The following ERC2 variants were observed in gnomAD, a reference collection of about 807,000 sequenced individuals.
ERC2 encodes the protein ELKS/RAB6-interacting/CAST family member 2, also known as ERC protein 2.
Under a neutral mutation model 114.8 loss-of-function variants are expected in ERC2, and 42 were observed. That is an observed-to-expected ratio of 0.37 (90% CI 0.29 to 0.47). The LOEUF is 0.47. Ranked by LOEUF, ERC2 falls within the 20% of genes least tolerant of loss-of-function variation. The pLI is 0.99. For synonymous variants in ERC2, 454 were observed against 425.5 expected, an observed-to-expected ratio of 1.07 and a Z score of -0.82; for missense variants, 939 against 1,150.7, an observed-to-expected ratio of 0.82 and a Z score of 2.66.
intron 8 of ERC2, 137 bp from the exon 9 acceptor site, chr3:56,010,726 G>A (rs1484737632): frequency 1.0e-6 from 1 of 963,092 alleles, no homozygotes; most frequent in Non-Finnish European, 1.5e-6. Context: ...AATCAAAATT[G>A]GATTCGTGGG....
At chr3:55,744,541 G>C (rs2066187307) in intron 14 of ERC2, among the ~76,000 whole-genome samples, 1 of 152,226 alleles carries the variant, frequency 6.6e-6, no homozygotes, top group Non-Finnish European at 1.5e-5. Context: ...TGTGACCTTT[G>C]TAACTTCACT....
chr3:55,722,847 T>A (rs561973374), intron 15 of ERC2, among the ~76,000 whole-genome samples: 2 of 152,184 alleles, frequency 1.3e-5, no homozygotes, highest in African/African-American at 2.4e-5. Flanking sequence ...CCTGAAAAAT[T>A]TAACACGAAC....
chr3:55,747,143 A>C, intron 14 of ERC2, among the ~76,000 whole-genome samples: 1 of 152,304 alleles, frequency 6.6e-6, no homozygotes, highest in African/African-American at 2.4e-5. Flanking sequence ...TCCATGATTC[A>C]GGGGGAGCTA....
chr3:55,716,516 G>A (rs12635014), intron 15 of ERC2, among the ~76,000 whole-genome samples: 2,669 of 152,294 alleles, frequency 0.018, 53 homozygotes, highest in East Asian at 0.09. Context: ...GAAACTACCT[G>A]CAAGTTATTT....
intron 3 of ERC2, among the ~76,000 whole-genome samples, chr3:56,179,288 A>T (rs1448764320): frequency 1.3e-5 from 2 of 152,032 alleles, no homozygotes; most frequent in African/African-American, 4.8e-5. Context: ...GTAAGTAGAA[A>T]GCCAAAGAAG....
chr3:56,249,987 A>C (rs1319022480), intron 3 of ERC2, among the ~76,000 whole-genome samples: 2 of 149,774 alleles, frequency 1.3e-5, no homozygotes. Context: ...CCTCCTGAGT[A>C]GCTGGGATTA....
At chr3:55,609,858 T>C (rs1341744636) in intron 17 of ERC2, among the ~76,000 whole-genome samples, 2 of 152,072 alleles carry the variant, frequency 1.3e-5, no homozygotes, top group Non-Finnish European at 2.9e-5. Flanking sequence ...TGTCTCTCCT[T>C]GGAGCTCAGA....
intron 6 of ERC2, among the ~76,000 whole-genome samples, chr3:56,118,698 G>A (rs907409004): frequency 6.7e-6 from 1 of 148,974 alleles, no homozygotes; most frequent in Non-Finnish European, 1.5e-5. Context: ...GTGCAGTGGC[G>A]TGATCTCGGC....
chr3:56,170,598 T>TTG (rs2082596191), intron 4 of ERC2, among the ~76,000 whole-genome samples: 2 of 135,122 alleles, frequency 1.5e-5, no homozygotes, highest in Admixed American at 7.5e-5. Flanking sequence ...TTTTTTTTTT[T>TTG]TTTTTTTTTT....
intron 3 of ERC2, among the ~76,000 whole-genome samples, chr3:56,193,936 G>GTTATAAAGCCTTGTC (rs1444219544): frequency 1.3e-5 from 2 of 152,166 alleles, no homozygotes; most frequent in Admixed American, 1.3e-4. Flanking sequence ...AACTTTTCTG[G>GTTATAAAGCCTTGTC]TGAGTTAGAC....
intron 14 of ERC2, among the ~76,000 whole-genome samples, chr3:55,809,750 C>T (rs2059644287): frequency 1.3e-5 from 2 of 151,014 alleles, no homozygotes; most frequent in South Asian, 4.2e-4. Flanking sequence ...GCATCCGTGC[C>T]TCAAATCACA....
chr3:55,562,941 A>G (rs557215485), intron 17 of ERC2, among the ~76,000 whole-genome samples: 1 of 152,336 alleles, frequency 6.6e-6, no homozygotes, highest in South Asian at 2.1e-4. Flanking sequence ...TAAGCCATCC[A>G]CTGTAGTCCA....
chr3:55,537,114 T>C (rs1177697670), intron 17 of ERC2, among the ~76,000 whole-genome samples: 1 of 152,190 alleles, frequency 6.6e-6, no homozygotes, highest in Admixed American at 6.5e-5. Context: ...TGGCGTCCTT[T>C]GCCAGCATGC....
At chr3:55,690,413 A>C (rs1440964024) in intron 16 of ERC2, among the ~76,000 whole-genome samples, 1 of 152,186 alleles carries the variant, frequency 6.6e-6, no homozygotes, top group African/African-American at 2.4e-5. Context: ...ACCCCCTCTC[A>C]ATGGGGGAGC....
chr3:55,796,469 A>G (rs1445930424), intron 14 of ERC2, among the ~76,000 whole-genome samples: 1 of 152,142 alleles, frequency 6.6e-6, no homozygotes, highest in Non-Finnish European at 1.5e-5. Flanking sequence ...TCTTTCGCCC[A>G]GGCTGGAGTG....
At chr3:55,519,103 C>T (rs765801546) in intron 17 of ERC2, among the ~76,000 whole-genome samples, 2 of 152,174 alleles carry the variant, frequency 1.3e-5, no homozygotes, top group Admixed American at 6.5e-5. Flanking sequence ...TGGGTAGCGC[C>T]GGTACCTCTG....
intron 17 of ERC2, among the ~76,000 whole-genome samples, chr3:55,661,353 G>A (rs567992622): frequency 6.6e-6 from 1 of 152,256 alleles, no homozygotes; most frequent in South Asian, 2.1e-4. Context: ...GGACTTTCCT[G>A]GCTGGCAGTT....
intron 2 of ERC2, among the ~76,000 whole-genome samples, chr3:56,329,022 T>A (rs981291381): frequency 6.6e-6 from 1 of 152,336 alleles, no homozygotes; most frequent in South Asian, 2.1e-4. Context: ...AGTCCATGGA[T>A]AGTGAAGCTT....
At chr3:56,110,134 A>T (rs560895344) in intron 6 of ERC2, among the ~76,000 whole-genome samples, 1 of 152,350 alleles carries the variant, frequency 6.6e-6, no homozygotes, top group South Asian at 2.1e-4. Flanking sequence ...TTAAAGTTGT[A>T]AAAAGGCAGG....
Sources: gnomAD v4.1 joint callset for allele counts (sites outside exome capture counted in the v4.1 genomes callset) on GRCh38, gnomAD v4.1.1 for gene constraint, MANE v1.5 for transcripts, NCBI Gene and HGNC (gene_info 2026-07-23, HGNC 2026-07-21) for gene names.